The following SLC22A3 variants were observed in gnomAD, a reference collection of about 807,000 sequenced individuals.
The protein encoded by SLC22A3 is solute carrier family 22 member 3.
SLC22A3 carries 51 observed loss-of-function variants against 59.1 expected under a neutral mutation model. The observed-to-expected ratio is 0.86, with a 90% CI of 0.69 to 1.09. SLC22A3 has a LOEUF of 1.09. SLC22A3 is among the 50% of genes least tolerant of loss of function. The probability of loss-of-function intolerance (pLI) is 0.00; values close to 1 mark genes in which losing one functional copy is unlikely to be tolerated. For missense variants in SLC22A3, 711 were observed against 726.3 expected (o/e 0.98, Z 0.24); for synonymous variants, 325 against 292.0 (o/e 1.11, Z -1.15).
intron 1 of SLC22A3, among the ~76,000 whole-genome samples, chr6:160,350,584 A>G (rs1275871294): frequency 6.6e-6 from 1 of 152,202 alleles, no homozygotes; most frequent in Non-Finnish European, 1.5e-5. Context: ...GAGGACCCAC[A>G]TGGAGGGCAG....
intron 1 of SLC22A3, among the ~76,000 whole-genome samples, chr6:160,385,320 G>T (rs1785959809): frequency 6.6e-6 from 1 of 152,160 alleles, no homozygotes; most frequent in South Asian, 2.1e-4. Context: ...GGTGTAGCAG[G>T]TGCCCTGCGT....
intron 5 of SLC22A3, among the ~76,000 whole-genome samples, chr6:160,420,246 G>A (rs1787671833): frequency 6.6e-6 from 1 of 152,176 alleles, no homozygotes; most frequent in African/African-American, 2.4e-5. Context: ...TTTAAAGAAT[G>A]AGATTGCAGC....
chr6:160,417,123 G>T (rs1787528633), intron 5 of SLC22A3, among the ~76,000 whole-genome samples: 1 of 152,154 alleles, frequency 6.6e-6, no homozygotes, highest in Admixed American at 6.5e-5. Flanking sequence ...CTCTCTGTAG[G>T]CAATATACTT....
intron 5 of SLC22A3, among the ~76,000 whole-genome samples, chr6:160,416,706 C>T (rs1459337052): frequency 6.6e-6 from 1 of 152,184 alleles, no homozygotes; most frequent in Non-Finnish European, 1.5e-5. Context: ...AGACATTATT[C>T]CTGCTTGTTA....
At chr6:160,396,028 A>G (rs1314551473) in intron 1 of SLC22A3, among the ~76,000 whole-genome samples, 1 of 152,214 alleles carries the variant, frequency 6.6e-6, no homozygotes, top group Non-Finnish European at 1.5e-5. Context: ...GTCGGCCTGG[A>G]TAATTTTAAG....
intron 4 of SLC22A3, 62 bp downstream of exon 4, chr6:160,408,983 G>T: frequency 1.6e-6 from 2 of 1,249,700 alleles, no homozygotes; most frequent in South Asian, 1.3e-5. Flanking sequence ...ACTCCAAACA[G>T]ACATGAAAAT....
chr6:160,371,047 T>G (rs944994464), intron 1 of SLC22A3, among the ~76,000 whole-genome samples: 20 of 152,200 alleles, frequency 1.3e-4, no homozygotes, highest in Non-Finnish European at 1.5e-5. Flanking sequence ...TCTGGTAGAT[T>G]ATCTTTTGTA....
intron 1 of SLC22A3, among the ~76,000 whole-genome samples, chr6:160,380,685 ATTAAG>A (rs1303850750): frequency 1.3e-5 from 2 of 152,222 alleles, no homozygotes; most frequent in Non-Finnish European, 2.9e-5. Flanking sequence ...TTTTCAAAAA[ATTAAG>A]TTATGTGCAA....
chr6:160,384,411 T>C (rs1312890181), intron 1 of SLC22A3, among the ~76,000 whole-genome samples: 1 of 152,194 alleles, frequency 6.6e-6, no homozygotes, highest in Non-Finnish European at 1.5e-5. Flanking sequence ...AATGTGGATA[T>C]CAGTCCAAAT....
chr6:160,416,612 G>T (rs1021917956), intron 5 of SLC22A3, among the ~76,000 whole-genome samples: 2 of 152,084 alleles, frequency 1.3e-5, no homozygotes, highest in Admixed American at 6.5e-5. Context: ...ACTGCTTTCT[G>T]CCCTGGCCAC....
chr6:160,447,870 G>C, intron 10 of SLC22A3, 52 bp downstream of exon 10: 1 of 1,305,614 alleles, frequency 7.7e-7, no homozygotes, highest in Non-Finnish European at 1.1e-6. Context: ...TTAAAACCAC[G>C]GGGGAAAGAA....
chr6:160,413,976 T>C (rs1197832998), intron 5 of SLC22A3, among the ~76,000 whole-genome samples: 1 of 152,208 alleles, frequency 6.6e-6, no homozygotes, highest in Non-Finnish European at 1.5e-5. Flanking sequence ...AATAAAAAAA[T>C]TCCTGGGGTT....
chr6:160,427,540 T>G (rs948109613), intron 5 of SLC22A3, among the ~76,000 whole-genome samples: 1 of 152,200 alleles, frequency 6.6e-6, no homozygotes, highest in African/African-American at 2.4e-5. Flanking sequence ...AACAGTTCCC[T>G]CAGCTGGCGA....
At chr6:160,392,448 C>G (rs1446705378) in intron 1 of SLC22A3, among the ~76,000 whole-genome samples, 3 of 152,158 alleles carry the variant, frequency 2.0e-5, no homozygotes, top group Non-Finnish European at 2.9e-5. Context: ...AGAAATTGAC[C>G]TTGGCTCCCA....
chr6:160,444,542 T>C (rs1470173442), intron 9 of SLC22A3, among the ~76,000 whole-genome samples: 2 of 152,064 alleles, frequency 1.3e-5, no homozygotes, highest in African/African-American at 4.8e-5. Context: ...GCACCTCTCC[T>C]CCTACCTCCA....
intron 1 of SLC22A3, among the ~76,000 whole-genome samples, chr6:160,373,827 T>C (rs1476555219): frequency 6.6e-6 from 1 of 152,146 alleles, no homozygotes; most frequent in African/African-American, 2.4e-5. Flanking sequence ...AACCACCTAC[T>C]CAAGCCTCAG....
intron 1 of SLC22A3, among the ~76,000 whole-genome samples, chr6:160,368,069 A>AGT (rs1785269760): frequency 6.6e-6 from 1 of 151,920 alleles, no homozygotes; most frequent in Non-Finnish European, 1.5e-5. Flanking sequence ...ATTGCCTGAT[A>AGT]GTCATGTTGA....
chr6:160,386,769 C>T (rs548359603), intron 1 of SLC22A3, among the ~76,000 whole-genome samples: 1 of 152,330 alleles, frequency 6.6e-6, no homozygotes, highest in South Asian at 2.1e-4. Context: ...ACAGCACTTA[C>T]CCCAAGGCAT....
intron 5 of SLC22A3, among the ~76,000 whole-genome samples, chr6:160,419,393 G>A (rs1787637507): frequency 6.6e-6 from 1 of 152,156 alleles, no homozygotes; most frequent in Non-Finnish European, 1.5e-5. Context: ...CTTCCATGGA[G>A]CCCATCGGGG....
Sources: allele counts gnomAD v4.1 joint callset (sites outside exome capture counted in the v4.1 genomes callset), GRCh38; gene constraint gnomAD v4.1.1; transcripts MANE v1.5; gene names NCBI Gene and HGNC (gene_info 2026-07-23, HGNC 2026-07-21).